XPA: variants seen among roughly 807,000 people sequenced by gnomAD.
XPA encodes the protein XPA, DNA damage recognition and repair factor.
A neutral mutation model predicts 35.7 loss-of-function variants in XPA; 27 were observed. The ratio of observed to expected loss-of-function variants is 0.76; its 90% CI spans 0.56 to 1.04. XPA has a LOEUF of 1.04. XPA is among the 50% of genes least tolerant of loss of function. The probability of loss-of-function intolerance (pLI) is 0.00; values close to 1 mark genes in which losing one functional copy is unlikely to be tolerated. For missense variants in XPA, 354 were observed against 342.7 expected (o/e 1.03, Z -0.26); for synonymous variants, 133 against 118.4 (o/e 1.12, Z -0.80).
chr9:97,686,715 C>A (rs1828726512), intron 4 of XPA, among the ~76,000 whole-genome samples: 1 of 151,924 alleles, frequency 6.6e-6, no homozygotes. Flanking sequence ...TCACTTGAGC[C>A]CTGGAGTTCG....
Position 97,675,336 on chromosome 9 carries a change from T to C in XPA, c.*103A>G, listed in dbSNP as rs1828320192. ...ATTACTTATACAAGGGTTTCATTCA[T>C]CTATGAAGATGTTGCTTTTTTTTTT... On this transcript the variant is annotated 3_prime_UTR_variant, in exon 6 of 6. Transcript: ENST00000375128. 1.6e-6 allele frequency: 2 copies of C among 1,222,722 alleles called. No homozygotes were observed. The highest frequency in any genetic ancestry group is 3.1e-5 in the African/African-American group (2 of 64,746). 75.7% of individuals were successfully genotyped at this position (1,222,722 alleles called of 1,614,324 possible).
the XPA span, among the ~76,000 whole-genome samples, chr9:97,659,457 GT>G: frequency 6.6e-6 from 1 of 152,090 alleles, no homozygotes; most frequent in Admixed American, 6.5e-5. Context: ...GACTGTACCT[GT>G]TTTCCTTGAA....
downstream of XPA, chr9:97,671,596 A>G (rs1828195721): frequency 1.3e-5 from 2 of 155,662 alleles, no homozygotes; most frequent in African/African-American, 4.8e-5. Context: ...GGATGAATTA[A>G]CATGGCTGAA....
chr9:97,657,185 C>T, the XPA span, among the ~76,000 whole-genome samples: 1 of 152,136 alleles, frequency 6.6e-6, no homozygotes, highest in Non-Finnish European at 1.5e-5. Context: ...CTGGGATGAT[C>T]TCGATCTCCT....
the XPA span, chr9:97,666,903 A>G: frequency 1.4e-6 from 2 of 1,456,454 alleles, no homozygotes; most frequent in Non-Finnish European, 1.9e-6. Flanking sequence ...ACTTGTAAGT[A>G]GTTAAAGAAA....
chr9:97,693,797 G>C (rs1441393741), intron 1 of XPA, 38 bp from the exon 2 acceptor site: 1 of 1,585,144 alleles, frequency 6.3e-7, no homozygotes, highest in East Asian at 2.2e-5. Context: ...AATTGAAGTA[G>C]GTAAGCCTGT....
intron 2 of XPA, among the ~76,000 whole-genome samples, chr9:97,692,312 G>A (rs1323136268): frequency 1.3e-5 from 2 of 151,686 alleles, no homozygotes; most frequent in African/African-American, 4.8e-5. Flanking sequence ...AAAAGAAAAG[G>A]GGAATTGTCA....
chr9:97,694,291 A>G (rs1172532681), intron 1 of XPA, among the ~76,000 whole-genome samples: 1 of 152,226 alleles, frequency 6.6e-6, no homozygotes, highest in Non-Finnish European at 1.5e-5. Flanking sequence ...TCCATTTCAT[A>G]TTTTGGGCCA....
the XPA span, among the ~76,000 whole-genome samples, chr9:97,668,413 T>C: frequency 1.3e-5 from 2 of 152,240 alleles, no homozygotes; most frequent in Non-Finnish European, 2.9e-5. Flanking sequence ...CTTTGAATTA[T>C]TATATGTCGG....
chr9:97,662,415 T>C, the XPA span, among the ~76,000 whole-genome samples: 2 of 152,192 alleles, frequency 1.3e-5, no homozygotes, highest in African/African-American at 4.8e-5. Flanking sequence ...GGGACAGTCA[T>C]ATGCAGTTGG....
chr9:97,672,577 T>C (rs1828223869), downstream of XPA: 1 of 152,214 alleles, frequency 6.6e-6, no homozygotes, highest in Non-Finnish European at 1.5e-5. Flanking sequence ...TTCCCATTGC[T>C]TAAGCACAGC....
At position 97,687,279 on chromosome 9, in the gene XPA, C is replaced by A; in HGVS notation, c.390-18G>T. The stretch of plus-strand genomic sequence containing the variant: ...CAGCATCTCTGAAAACAGATTAAGT[C>A]CATTATATAAATTAGTTATTTTAAA... On this transcript the variant is annotated intron_variant, in intron 3 of 5. Transcript: ENST00000375128. 6.3e-7 allele frequency: 1 copy of A among 1,586,494 alleles called. No homozygotes were observed. The highest frequency in any genetic ancestry group is 8.6e-7 in the Non-Finnish European group (1 of 1,167,324).
chr9:97,673,161 C>T (rs1011698394), downstream of XPA: 1 of 152,068 alleles, frequency 6.6e-6, no homozygotes. Context: ...ATATAACATA[C>T]AAAATGAGTT....
intron 5 of XPA, chr9:97,682,420 G>A (rs764290275): frequency 1.3e-5 from 7 of 518,842 alleles, no homozygotes; most frequent in Non-Finnish European, 2.3e-5. Context: ...TCAGGAAGGC[G>A]GGAACAACCT....
the XPA span, chr9:97,667,001 AT>A: frequency 2.8e-6 from 2 of 703,536 alleles, no homozygotes; most frequent in Non-Finnish European, 4.4e-6. Context: ...CAGAGCAGAA[AT>A]TTTTCTGAGC....
At chr9:97,683,999 A>G (rs1331635718) in intron 5 of XPA, among the ~76,000 whole-genome samples, 2 of 152,234 alleles carry the variant, frequency 1.3e-5, no homozygotes, top group East Asian at 1.9e-4. Flanking sequence ...ACTGTACACT[A>G]CAATGGGACT....
At chr9:97,690,722 C>G (rs962798020) in intron 2 of XPA, among the ~76,000 whole-genome samples, 2 of 152,144 alleles carry the variant, frequency 1.3e-5, no homozygotes. Context: ...AGAGTTTTGC[C>G]ATGTTGGCCA....
Position 97,675,304 on chromosome 9 carries a change from C to G in XPA, c.*135G>C, listed in dbSNP as rs935683501. 9.9e-7 allele frequency: 1 copy of G among 1,005,502 alleles called. No individual in the cohort carries two copies. The allele number at this position is 1,005,502 out of a possible 1,614,324, so 62.3% of individuals were successfully genotyped here. A position where few individuals can be genotyped will look rare whatever the true frequency, so the allele number is the denominator to read the frequency against. On this transcript the variant is annotated 3_prime_UTR_variant, in exon 6 of 6. Coordinates refer to ENST00000375128, the MANE Select transcript of XPA (RefSeq NM_000380.4). ...TAAGCCATAACATACATAATTATTA[C>G]TGAAGTATTACTTATACAAGGGTTT... is the stretch of plus-strand genomic sequence containing the variant.
chr9:97,685,010 T>C lies in XPA; in HGVS notation c.586A>G (p.Ser196Gly). 6.2e-7 allele frequency: 1 copy of C among 1,613,658 alleles called. No homozygotes were observed. Among genetic ancestry groups the C allele is most frequent in the Non-Finnish European group, 8.5e-7 (1 of 1,179,812 alleles). ...IVKRSLEVWGSQEALEEAKEV... is the reference protein window; with the variant it reads ...IVKRSLEVWGGQEALEEAKEV... Reference sequence around the variant, plus strand: ...TTTGCTTCTTCTAATGCTTCTTGACTACCCCAAACTTCAAGAGACCTCTTC... The same window carrying C: ...TTTGCTTCTTCTAATGCTTCTTGACCACCCCAAACTTCAAGAGACCTCTTC... Residue 196 changes from serine (S) to glycine (G), a missense_variant, in exon 5 of 6, where the codon AGT becomes GGT. Physicochemically the swap from Ser to Gly is moderately conservative, Grantham distance 56. Transcript: ENST00000375128.
Sources: gnomAD v4.1 joint callset for allele counts (sites outside exome capture counted in the v4.1 genomes callset) on GRCh38, gnomAD v4.1.1 for gene constraint, MANE v1.5 for transcripts, NCBI Gene and HGNC (gene_info 2026-07-23, HGNC 2026-07-21) for gene names.